TAFA1: variants seen among roughly 807,000 people sequenced by gnomAD.
TAFA1 encodes the protein TAFA chemokine like family member 1, also known as chemokine-like protein TAFA-1.
TAFA1 carries 4 observed loss-of-function variants against 18.5 expected under a neutral mutation model. The observed-to-expected ratio is 0.22, with a 90% confidence interval of 0.11 to 0.49. TAFA1 has a LOEUF of 0.49. Among genes scored for constraint, TAFA1 ranks in the 20% least tolerant of loss-of-function variants. TAFA1 has a pLI of 0.98. For missense variants in TAFA1, 147 were observed against 169.0 expected, an observed-to-expected ratio of 0.87 and a Z score of 0.72; for synonymous variants, 56 against 55.2, an observed-to-expected ratio of 1.01 and a Z score of -0.06.
chr3:68,434,169 G>T (rs185051613), intron 3 of TAFA1, among the ~76,000 whole-genome samples: 3 of 152,062 alleles, frequency 2.0e-5, no homozygotes, highest in Non-Finnish European at 4.4e-5. Context: ...CATTTGTATC[G>T]TCTGAAATCA....
intron 2 of TAFA1, among the ~76,000 whole-genome samples, chr3:68,334,496 A>G (rs929422915): frequency 6.6e-6 from 1 of 152,198 alleles, no homozygotes; most frequent in Non-Finnish European, 1.5e-5. Flanking sequence ...TAAGCAATGT[A>G]TAAGTCAGGA....
At chr3:68,164,554 C>G (rs1262663139) in intron 2 of TAFA1, among the ~76,000 whole-genome samples, 1 of 151,776 alleles carries the variant, frequency 6.6e-6, no homozygotes, top group Non-Finnish European at 1.5e-5. Flanking sequence ...CATTCTCCCT[C>G]CCATTTTTTA....
intron 2 of TAFA1, among the ~76,000 whole-genome samples, chr3:68,027,059 T>G (rs1391071909): frequency 6.6e-6 from 1 of 151,744 alleles, no homozygotes. Context: ...AAACTGAGTA[T>G]CATGACGATG....
At chr3:68,351,435 G>T (rs2069264843) in intron 2 of TAFA1, among the ~76,000 whole-genome samples, 1 of 151,970 alleles carries the variant, frequency 6.6e-6, no homozygotes, top group Non-Finnish European at 1.5e-5. Flanking sequence ...CAGTAGAGGG[G>T]TTTTTCTTCA....
intron 2 of TAFA1, among the ~76,000 whole-genome samples, chr3:68,018,618 A>T (rs1479230128): frequency 6.6e-6 from 1 of 152,170 alleles, no homozygotes; most frequent in Non-Finnish European, 1.5e-5. Flanking sequence ...AGGGTAAGGA[A>T]CCCAGCAGTC....
intron 3 of TAFA1, among the ~76,000 whole-genome samples, chr3:68,471,446 C>G (rs1213406563): frequency 6.6e-6 from 1 of 152,164 alleles, no homozygotes; most frequent in Non-Finnish European, 1.5e-5. Context: ...TGAAAGCATC[C>G]AGGAGGGAGC....
At chr3:68,210,876 T>C (rs1210040443) in intron 2 of TAFA1, among the ~76,000 whole-genome samples, 1 of 152,014 alleles carries the variant, frequency 6.6e-6, no homozygotes, top group Non-Finnish European at 1.5e-5. Context: ...GCTGTGGTCA[T>C]TGTCTCATGA....
intron 2 of TAFA1, among the ~76,000 whole-genome samples, chr3:68,387,275 G>T (rs1005645464): frequency 1.3e-5 from 2 of 152,062 alleles, no homozygotes; most frequent in African/African-American, 4.8e-5. Flanking sequence ...CTCTATGCTA[G>T]ACTCTAAATG....
intron 3 of TAFA1, among the ~76,000 whole-genome samples, chr3:68,466,648 T>C (rs1272177415): frequency 6.6e-6 from 1 of 152,148 alleles, no homozygotes; most frequent in Non-Finnish European, 1.5e-5. Flanking sequence ...TATATCCTGA[T>C]GATAAACACT....
chr3:68,535,262 T>C (rs1205990348), intron 3 of TAFA1, among the ~76,000 whole-genome samples: 2 of 152,290 alleles, frequency 1.3e-5, no homozygotes, highest in East Asian at 3.9e-4. Flanking sequence ...TATGTTTTTC[T>C]TGCTTCTCTT....
At chr3:68,402,965 C>T (rs2070527798) in intron 2 of TAFA1, among the ~76,000 whole-genome samples, 1 of 152,124 alleles carries the variant, frequency 6.6e-6, no homozygotes, top group South Asian at 2.1e-4. Context: ...AGTCATCTGT[C>T]CCATAACAAT....
At chr3:68,271,405 C>G (rs979677607) in intron 2 of TAFA1, among the ~76,000 whole-genome samples, 4 of 152,074 alleles carry the variant, frequency 2.6e-5, no homozygotes, top group African/African-American at 9.7e-5. Context: ...TCTAATTGGC[C>G]AGGCCTGGGC....
chr3:68,261,010 C>G (rs2067408723), intron 2 of TAFA1, among the ~76,000 whole-genome samples: 1 of 151,904 alleles, frequency 6.6e-6, no homozygotes, highest in African/African-American at 2.4e-5. Flanking sequence ...AAAATTTTTG[C>G]AACCTACTCA....
At chr3:68,242,463 A>C (rs544084932) in intron 2 of TAFA1, among the ~76,000 whole-genome samples, 1 of 152,182 alleles carries the variant, frequency 6.6e-6, no homozygotes, top group Non-Finnish European at 1.5e-5. Context: ...GCAGTGTCTA[A>C]ATTAATGAGG....
chr3:68,382,877 G>A (rs2070004580), intron 2 of TAFA1, among the ~76,000 whole-genome samples: 1 of 151,998 alleles, frequency 6.6e-6, no homozygotes, highest in African/African-American at 2.4e-5. Flanking sequence ...CATCTCTGAT[G>A]TTGTTGAGTA....
chr3:68,110,079 C>A (rs2065246934), intron 2 of TAFA1, among the ~76,000 whole-genome samples: 1 of 152,252 alleles, frequency 6.6e-6, no homozygotes, highest in East Asian at 1.9e-4. Context: ...CACCCATCAC[C>A]TTGTATTAAG....
At chr3:68,487,774 G>T (rs1575914752) in intron 3 of TAFA1, among the ~76,000 whole-genome samples, 2 of 139,162 alleles carry the variant, frequency 1.4e-5, no homozygotes, top group Non-Finnish European at 3.1e-5. Context: ...AAAAAATTCT[G>T]TGAGTGGTGA....
intron 2 of TAFA1, among the ~76,000 whole-genome samples, chr3:68,188,612 A>G (rs2066299872): frequency 6.6e-6 from 1 of 151,564 alleles, no homozygotes; most frequent in Non-Finnish European, 1.5e-5. Flanking sequence ...TATCTCTTAT[A>G]TCTATGTTAT....
chr3:68,168,967 C>T (rs1429118180), intron 2 of TAFA1, among the ~76,000 whole-genome samples: 2 of 152,120 alleles, frequency 1.3e-5, no homozygotes, highest in Non-Finnish European at 2.9e-5. Flanking sequence ...GAATGCATGC[C>T]ATTTCCTCTG....
Sources: allele counts gnomAD v4.1 joint callset (sites outside exome capture counted in the v4.1 genomes callset), GRCh38; gene constraint gnomAD v4.1.1; transcripts MANE v1.5; gene names NCBI Gene and HGNC (gene_info 2026-07-23, HGNC 2026-07-21).